HIVEP3: variants seen among roughly 807,000 people sequenced by gnomAD.
HIVEP3 encodes transcription factor HIVEP3.
In HIVEP3, 49 loss-of-function variants were observed where a neutral mutation model predicts 152.8. The ratio of observed to expected loss-of-function variants is 0.32; its 90% CI spans 0.26 to 0.41. The LOEUF (loss-of-function observed/expected upper bound fraction) is 0.41. Among genes scored for constraint, HIVEP3 ranks in the 10% least tolerant of loss-of-function variants. The pLI is 1.00. For synonymous variants in HIVEP3, 1,269 were observed against 1,289.0 expected (o/e 0.98, Z 0.33); for missense variants, 2,790 against 3,103.3 (o/e 0.90, Z 2.40).
chr1:42,011,824 A>G (rs926206904), intron 1 of HIVEP3, among the ~76,000 whole-genome samples: 4 of 152,210 alleles, frequency 2.6e-5, no homozygotes, highest in Non-Finnish European at 5.9e-5. Context: ...CAAATAAATT[A>G]TCTATAGACC....
intron 3 of HIVEP3, among the ~76,000 whole-genome samples, chr1:41,608,206 G>A (rs35282355): frequency 0.15 from 22,703 of 152,216 alleles, 2,433 homozygotes; most frequent in African/African-American, 0.3. Flanking sequence ...GTTCCCTGCA[G>A]GAGGGTGAAG....
At chr1:41,833,195 A>T (rs1383562030) in intron 1 of HIVEP3, among the ~76,000 whole-genome samples, 1 of 152,224 alleles carries the variant, frequency 6.6e-6, no homozygotes, top group African/African-American at 2.4e-5. Context: ...AGTTCAAAGG[A>T]GCAAATGCCT....
intron 1 of HIVEP3, among the ~76,000 whole-genome samples, chr1:41,946,092 A>T (rs570318499): frequency 2.6e-5 from 4 of 152,202 alleles, no homozygotes; most frequent in Non-Finnish European, 5.9e-5. Context: ...GGCTCTGGAA[A>T]CGGGAAAAGC....
At chr1:41,541,367 C>T (rs1413432479) in intron 5 of HIVEP3, among the ~76,000 whole-genome samples, 2 of 152,192 alleles carry the variant, frequency 1.3e-5, no homozygotes, top group Non-Finnish European at 2.9e-5. Context: ...TTAGGGATGC[C>T]TGTTGTGAGT....
intron 1 of HIVEP3, among the ~76,000 whole-genome samples, chr1:41,890,523 T>C (rs2764833): frequency 0.081 from 12,382 of 152,258 alleles, 731 homozygotes; most frequent in East Asian, 0.19. Context: ...CCTGGGATTA[T>C]TGTGTGATGC....
intron 3 of HIVEP3, among the ~76,000 whole-genome samples, chr1:41,617,083 CCAAA>C (rs1644980877): frequency 6.6e-6 from 1 of 152,164 alleles, no homozygotes; most frequent in Admixed American, 6.5e-5. Context: ...TACTGCCTTT[CCAAA>C]CAGAGACAGG....
At chr1:42,008,066 T>C (rs79376392) in intron 1 of HIVEP3, among the ~76,000 whole-genome samples, 2,665 of 152,316 alleles carry the variant, frequency 0.017, 78 homozygotes, top group Admixed American at 0.079. Context: ...TACATCATAT[T>C]CTGTTATTGT....
In HIVEP3 at chr1:41,581,273, T is replaced by C; in HGVS notation, c.3525A>G (p.Pro1175=). The change falls in exon 4 of 9, where the codon CCA becomes CCG. Residue 1175 remains proline (P), a synonymous_variant. Coordinates refer to ENST00000372583, the MANE Select transcript of HIVEP3 (RefSeq NM_024503.5). The surrounding 1 kb of genome is among the most constrained non-coding windows in gnomAD (Gnocchi z 4.5). ...AGGGAGGAAGTGGGGGCATGGAGTATGGTGAGGACAGGAGGCTGGACATGG... is the reference window on the plus strand; with the variant it reads ...AGGGAGGAAGTGGGGGCATGGAGTACGGTGAGGACAGGAGGCTGGACATGG... The part of the protein sequence containing the change: ...TQAMSSLLSS[P]YSMPPLPPSL... 6.2e-7 allele frequency: 1 copy of C among 1,604,756 alleles called. No homozygotes were observed. Among genetic ancestry groups the C allele is most frequent in the South Asian group, 1.1e-5 (1 of 89,278 alleles).
chr1:41,908,090 T>C (rs1383259642), intron 1 of HIVEP3, among the ~76,000 whole-genome samples: 1 of 150,220 alleles, frequency 6.7e-6, no homozygotes, highest in African/African-American at 2.5e-5. Context: ...AAAATAGGCA[T>C]CCATAAGAGA....
chr1:41,771,518 G>T (rs1328980377), intron 1 of HIVEP3, among the ~76,000 whole-genome samples: 1 of 152,134 alleles, frequency 6.6e-6, no homozygotes, highest in Non-Finnish European at 1.5e-5. Flanking sequence ...TCTCCTCCCT[G>T]CCCCGCGTGT....
intron 1 of HIVEP3, among the ~76,000 whole-genome samples, chr1:41,780,069 G>A (rs1399872302): frequency 2.0e-5 from 3 of 152,184 alleles, no homozygotes; most frequent in African/African-American, 7.2e-5. Flanking sequence ...TTCACTGATG[G>A]GAAGAACCAA....
At chr1:41,697,166 TG>T (rs1646289586) in intron 2 of HIVEP3, among the ~76,000 whole-genome samples, 1 of 152,180 alleles carries the variant, frequency 6.6e-6, no homozygotes, top group Non-Finnish European at 1.5e-5. Context: ...ATTCTGTAGC[TG>T]GTTTTATTCC....
chr1:41,652,364 C>T (rs1174115495), intron 2 of HIVEP3, among the ~76,000 whole-genome samples: 1 of 152,150 alleles, frequency 6.6e-6, no homozygotes, highest in African/African-American at 2.4e-5. Flanking sequence ...AGGTAAGAAA[C>T]TGAAGTCCAG....
intron 3 of HIVEP3, among the ~76,000 whole-genome samples, chr1:41,587,534 T>G (rs1277116310): frequency 6.6e-6 from 1 of 152,224 alleles, no homozygotes; most frequent in African/African-American, 2.4e-5. Flanking sequence ...ACAAAATGGT[T>G]ACCCTTACAA....
intron 1 of HIVEP3, among the ~76,000 whole-genome samples, chr1:41,907,241 A>C (rs1644727837): frequency 6.6e-6 from 1 of 152,218 alleles, no homozygotes; most frequent in Non-Finnish European, 1.5e-5. Context: ...GTAATCCTTG[A>C]TAACCCCTGA....
intron 1 of HIVEP3, among the ~76,000 whole-genome samples, chr1:41,811,444 C>A (rs1650952667): frequency 6.6e-6 from 1 of 151,900 alleles, no homozygotes; most frequent in Non-Finnish European, 1.5e-5. Flanking sequence ...ACAACAATAA[C>A]AACGAATGCT....
At chr1:41,903,423 G>A (rs1445373693) in intron 1 of HIVEP3, among the ~76,000 whole-genome samples, 3 of 152,202 alleles carry the variant, frequency 2.0e-5, no homozygotes, top group Non-Finnish European at 4.4e-5. Flanking sequence ...AAGGTAACAG[G>A]AGGTGATGTG....
At chr1:41,644,296 C>T (rs888626173) in intron 2 of HIVEP3, among the ~76,000 whole-genome samples, 12 of 152,098 alleles carry the variant, frequency 7.9e-5, no homozygotes, top group South Asian at 2.1e-4. Flanking sequence ...TGGGACAGTA[C>T]GTGTGGTGAG....
intron 1 of HIVEP3, among the ~76,000 whole-genome samples, chr1:41,968,859 A>T (rs1432780491): frequency 6.6e-6 from 1 of 152,210 alleles, no homozygotes; most frequent in Non-Finnish European, 1.5e-5. Context: ...ACTGCAGCAA[A>T]GTCTTAGGAT....
Sources: allele counts gnomAD v4.1 joint callset (sites outside exome capture counted in the v4.1 genomes callset), GRCh38; gene constraint gnomAD v4.1.1; non-coding constraint Gnocchi (gnomAD v3.1); transcripts MANE v1.5; gene names NCBI Gene and HGNC (gene_info 2026-07-23, HGNC 2026-07-21).